Variants in RRBP1 observed in about 807,000 individuals in gnomAD.
The protein encoded by RRBP1 is ribosome-binding protein 1.
RRBP1 carries 94 observed loss-of-function variants against 165.2 expected under a neutral mutation model. That is an observed-to-expected ratio of 0.57 (90% confidence interval 0.48 to 0.68). The LOEUF (loss-of-function observed/expected upper bound fraction) is 0.68, where lower values mean the gene tolerates loss of function less well. RRBP1 is among the 30% of genes least tolerant of loss of function. The pLI, the probability that RRBP1 is intolerant of heterozygous loss-of-function variation, is 0.00. For synonymous variants in RRBP1, 680 were observed against 714.5 expected (o/e 0.95, Z 0.77); for missense variants, 1,676 against 1,763.0 (o/e 0.95, Z 0.88).
intron 2 of RRBP1, among the ~76,000 whole-genome samples, chr20:17,661,449 A>G (rs971528063): frequency 2.0e-5 from 3 of 152,016 alleles, no homozygotes; most frequent in African/African-American, 7.3e-5. Context: ...GTCAGACAAC[A>G]CTCCCCAAAC....
At chr20:17,632,268 G>C (rs1432794169) in intron 8 of RRBP1, among the ~76,000 whole-genome samples, 1 of 152,198 alleles carries the variant, frequency 6.6e-6, no homozygotes, top group Non-Finnish European at 1.5e-5. Flanking sequence ...AGTCTGGAGA[G>C]GACAGGAGAT....
chr20:17,668,861 C>A (rs1407037251), intron 2 of RRBP1, among the ~76,000 whole-genome samples: 2 of 152,222 alleles, frequency 1.3e-5, no homozygotes, highest in Non-Finnish European at 2.9e-5. Context: ...TCACTCGCTG[C>A]AACCTTGGCT....
intron 2 of RRBP1, among the ~76,000 whole-genome samples, chr20:17,669,655 A>T (rs1263221821): frequency 6.6e-6 from 1 of 152,222 alleles, no homozygotes; most frequent in Non-Finnish European, 1.5e-5. Context: ...GGGAAATAAT[A>T]CACACCATGG....
At chr20:17,662,773 A>G (rs2036789582) in intron 2 of RRBP1, among the ~76,000 whole-genome samples, 1 of 152,188 alleles carries the variant, frequency 6.6e-6, no homozygotes, top group Non-Finnish European at 1.5e-5. Context: ...AACATGGTAC[A>G]GTCAACCCTC....
chr20:17,627,660 G>A lies in RRBP1; in HGVS notation c.2772C>T (p.Ser924=). The A allele has an allele frequency of 6.2e-7, 1 of 1,608,686 alleles. No homozygotes were observed. Among genetic ancestry groups the A allele is most frequent in the Non-Finnish European group, 8.5e-7 (1 of 1,177,254 alleles). The change falls in exon 10 of 25, where the codon TCC becomes TCT. Residue 924 remains serine, a synonymous_variant. Coordinates refer to ENST00000377813, the MANE Select transcript of RRBP1 (RefSeq NM_001365613.2). ...QMAELHSKLQ[S]SEAEVRSKCE... ...ATTTGCTGCGCACCTCCGCCTCGGAGGACTGTAACTTGCTGTGCAGCTCTG... is the reference window on the plus strand; with the variant it reads ...ATTTGCTGCGCACCTCCGCCTCGGAAGACTGTAACTTGCTGTGCAGCTCTG...
At chr20:17,670,466 A>G (rs534923870) in intron 2 of RRBP1, among the ~76,000 whole-genome samples, 107 of 149,744 alleles carry the variant, frequency 7.1e-4, no homozygotes, top group African/African-American at 2.3e-3. Context: ...AGTAACACAC[A>G]GCACTCACAA....
chr20:17,653,693 G>T (rs1000119593), intron 3 of RRBP1, among the ~76,000 whole-genome samples: 1 of 152,118 alleles, frequency 6.6e-6, no homozygotes, highest in Non-Finnish European at 1.5e-5. Context: ...AATCAGCTGG[G>T]CGTGGTGGTG....
intron 3 of RRBP1, among the ~76,000 whole-genome samples, chr20:17,656,588 C>A (rs1266636338): frequency 6.6e-6 from 1 of 152,186 alleles, no homozygotes; most frequent in African/African-American, 2.4e-5. Flanking sequence ...AGTTCTCAGT[C>A]AGTTTCAGAG....
chr20:17,664,960 A>T (rs1459600829), intron 2 of RRBP1, among the ~76,000 whole-genome samples: 2 of 152,238 alleles, frequency 1.3e-5, no homozygotes, highest in African/African-American at 4.8e-5. Flanking sequence ...TTTTTAAAAT[A>T]TTATGAAATG....
Position 17,636,566 on chromosome 20 carries a change from A to G in RRBP1, c.2337+11T>C, listed in dbSNP as rs1431750211. ...GTCCCTTCCCATGCCCCCGCCAGCC[A>G]CTACACCCACCTTGCCCTGCAGCTG... On this transcript the variant is annotated intron_variant, in intron 6 of 24. Coordinates refer to ENST00000377813, the MANE Select transcript of RRBP1 (RefSeq NM_001365613.2). 2 of 1,609,886 alleles carry G rather than the reference A, an allele frequency of 1.2e-6. No individual in the cohort carries two copies. Among genetic ancestry groups the G allele is most frequent in the South Asian group, 1.1e-5 (1 of 91,008 alleles).
At chr20:17,668,694 G>A (rs964014154) in intron 2 of RRBP1, among the ~76,000 whole-genome samples, 4 of 152,214 alleles carry the variant, frequency 2.6e-5, no homozygotes, top group African/African-American at 9.7e-5. Context: ...AAGGGTTCAA[G>A]TCTTACAGGT....
Position 17,620,815 on chromosome 20 carries a change from G to T in RRBP1, c.3415-8C>A, listed in dbSNP as rs1415960205. The T allele has an allele frequency of 2.5e-6, 4 of 1,596,822 alleles. No individual in the cohort carries two copies. The highest frequency in any genetic ancestry group is 2.6e-6 in the Non-Finnish European group (3 of 1,172,354). On this transcript the variant is annotated splice_region_variant and splice_polypyrimidine_tract_variant and intron_variant, in intron 16 of 24. Coordinates refer to ENST00000377813, the MANE Select transcript of RRBP1 (RefSeq NM_001365613.2). ...GTCTCTGAGCATGCCCTCCTGGGGG[G>T]AAACCGAGGTGAGGCAGGGCCCTCT...
intron 1 of RRBP1, among the ~76,000 whole-genome samples, chr20:17,681,359 C>T (rs997442668): frequency 4.1e-5 from 6 of 147,708 alleles, no homozygotes; most frequent in Non-Finnish European, 4.5e-5. Context: ...CGCGGCCGCC[C>T]GGCGTCCGTG....
intron 5 of RRBP1, 34 bp from the exon 6 acceptor site, chr20:17,636,763 A>C (rs748418892): frequency 6.2e-7 from 1 of 1,610,726 alleles, no homozygotes; most frequent in East Asian, 2.2e-5. Context: ...GGGGCTGGTA[A>C]GCCTTGCAGG....
intron 2 of RRBP1, among the ~76,000 whole-genome samples, chr20:17,677,321 A>ATG (rs2037101931): frequency 6.6e-6 from 1 of 152,224 alleles, no homozygotes. Context: ...GAGTCAGCAG[A>ATG]TGATATTCAT....
chr20:17,626,822 G>A (rs1037713273), intron 11 of RRBP1, among the ~76,000 whole-genome samples: 4 of 152,202 alleles, frequency 2.6e-5, no homozygotes, highest in Admixed American at 6.5e-5. Flanking sequence ...TGGTGCTGCT[G>A]ACACGGAGGG....
rs1191313319 is a variant in RRBP1, at chr20:17,660,072, C to T, written c.436G>A (p.Val146Met). Residue 146 changes from valine to methionine, a missense_variant, in exon 3 of 25, where the codon GTG becomes ATG. Val to Met is a conservative substitution (Grantham distance 21, BLOSUM62 1). This residue lies in a region of RRBP1 where 392 missense variants were observed against 382.5 expected (regional missense o/e 1.02). Coordinates refer to ENST00000377813, the MANE Select transcript of RRBP1 (RefSeq NM_001365613.2). Reference protein sequence around the residue: ...PKDKKKKEKKVAKVEPAVSSV... With the variant: ...PKDKKKKEKKMAKVEPAVSSV... ...CTGACAGCTGGTTCCACTTTTGCCA[C>T]TTTTTTCTCCTTCTTCTTTTTGTCC... is the stretch of plus-strand genomic sequence containing the variant. 6.2e-7 allele frequency: 1 copy of T among 1,613,984 alleles called. No homozygotes were observed. Among genetic ancestry groups the T allele is most frequent in the African/African-American group, 1.3e-5 (1 of 75,044 alleles).
At chr20:17,647,530 C>T (rs1031841543) in intron 3 of RRBP1, among the ~76,000 whole-genome samples, 52 of 152,230 alleles carry the variant, frequency 3.4e-4, no homozygotes, top group African/African-American at 1.2e-3. Flanking sequence ...CAGGGGGATG[C>T]GGCTGGAAGC....
intron 5 of RRBP1, among the ~76,000 whole-genome samples, chr20:17,637,813 C>A (rs6034873): frequency 0.03 from 4,625 of 152,270 alleles, 234 homozygotes; most frequent in African/African-American, 0.1. Context: ...GGTGAGAGGC[C>A]CACAGGAACC....
Sources: allele counts gnomAD v4.1 joint callset (sites outside exome capture counted in the v4.1 genomes callset), GRCh38; gene constraint gnomAD v4.1.1; regional missense constraint gnomAD v4.1.1; transcripts MANE v1.5; gene names NCBI Gene and HGNC (gene_info 2026-07-23, HGNC 2026-07-21).